Variants in SPAG17 observed in about 807,000 individuals in gnomAD.
The protein encoded by SPAG17 is sperm-associated antigen 17.
Under a neutral mutation model 273.6 loss-of-function variants are expected in SPAG17, and 169 were observed. That is an observed-to-expected ratio of 0.62 (90% CI 0.55 to 0.70). The LOEUF (loss-of-function observed/expected upper bound fraction) is 0.70, where lower values mean the gene tolerates loss of function less well. Ranked by LOEUF, SPAG17 falls within the 30% of genes least tolerant of loss-of-function variation. The pLI is 0.00. For missense variants in SPAG17, 2,557 were observed against 2,627.8 expected, an observed-to-expected ratio of 0.97 and a Z score of 0.59; for synonymous variants, 825 against 873.2, an observed-to-expected ratio of 0.94 and a Z score of 0.97.
Position 118,086,011 on chromosome 1 carries a change from C to A in SPAG17, c.1673G>T (p.Trp558Leu). 1 of 1,613,786 alleles carries A rather than the reference C, an allele frequency of 6.2e-7. No individual in the cohort carries two copies. Among genetic ancestry groups the A allele is most frequent in the Non-Finnish European group, 8.5e-7 (1 of 1,179,914 alleles). Residue 558 changes from tryptophan (W) to leucine (L), a missense_variant, in exon 13 of 49, where the codon TGG (tryptophan) becomes TTG (leucine). Coordinates refer to ENST00000336338, the MANE Select transcript of SPAG17 (RefSeq NM_206996.4). Reference protein sequence around the residue: ...EQEMQSKLPLWEFLQFPLPPP... With the variant: ...EQEMQSKLPLLEFLQFPLPPP... ...GGGTAGAGGGAATTGAAGAAATTCC[C>A]ACAGTGGCAACTTGGACTGCATCTC... is the stretch of plus-strand genomic sequence containing the variant.
intron 43 of SPAG17, among the ~76,000 whole-genome samples, chr1:117,977,193 T>C (rs186472841): frequency 0.036 from 5,461 of 149,714 alleles, 301 homozygotes; most frequent in African/African-American, 0.12. Context: ...TGATGGTGGG[T>C]GCCTGTAATC....
rs533500032 is a variant in SPAG17, at chr1:117,988,697, TCACGGTTATATGAGCTTGGGAAA to T, written c.5522-516_5522-494del. ...AAAAAGAGGAAAAGATTTTCATGTT[TCACGGTTATATGAGCTTGGGAAA>T]CACTGATTTATCCAAGGTTAAATAG... On this transcript the variant is annotated intron_variant, in intron 38 of 48. Transcript: ENST00000336338. 1.5e-4 allele frequency among the ~76,000 whole-genome samples: 23 copies of T among 152,316 alleles called. No homozygotes were observed. The South Asian group carries it at 2.1e-3, about 14-fold the overall frequency.
chr1:117,970,628 T>C (rs1654446057), intron 45 of SPAG17, among the ~76,000 whole-genome samples: 1 of 152,176 alleles, frequency 6.6e-6, no homozygotes, highest in African/African-American at 2.4e-5. Context: ...ATGGTGCTTA[T>C]TGATCTCTCT....
At chr1:118,000,854 CTA>C (rs1469095327) in intron 32 of SPAG17, among the ~76,000 whole-genome samples, 1 of 152,022 alleles carries the variant, frequency 6.6e-6, no homozygotes, top group Non-Finnish European at 1.5e-5. Context: ...ACTTCTGACA[CTA>C]TGTTGAATAG....
chr1:118,052,726 C>T (rs1651203501), intron 20 of SPAG17, among the ~76,000 whole-genome samples: 2 of 151,780 alleles, frequency 1.3e-5, no homozygotes, highest in African/African-American at 2.4e-5. Context: ...GCCAACATAA[C>T]CTTAATAACA....
intron 40 of SPAG17, among the ~76,000 whole-genome samples, chr1:117,987,444 G>A (rs1451002874): frequency 6.6e-6 from 1 of 152,178 alleles, no homozygotes; most frequent in Non-Finnish European, 1.5e-5. Flanking sequence ...AGCTGGAGTT[G>A]AAATCCCCAG....
chr1:118,084,765 T>C (rs1434729955), intron 13 of SPAG17, among the ~76,000 whole-genome samples: 1 of 152,228 alleles, frequency 6.6e-6, no homozygotes, highest in Non-Finnish European at 1.5e-5. Context: ...CTCAGTAATG[T>C]AAGGAAATTG....
Position 118,023,448 on chromosome 1 carries a change from C to T in SPAG17, c.3925G>A (p.Gly1309Ser), listed in dbSNP as rs1647351320. 2.5e-6 allele frequency: 4 copies of T among 1,605,744 alleles called. No homozygotes were observed. Among genetic ancestry groups the T allele is most frequent in the South Asian group, 2.2e-5 (2 of 89,540 alleles). ...DGSTQILFAD[G>S]AVSRSPNSGL... Reference sequence around the variant, plus strand: ...GAATTGGGACTCCTGCTCACAGCACCATCTGCAAAGAGAATCTGAAGAATG... The same window carrying T: ...GAATTGGGACTCCTGCTCACAGCACTATCTGCAAAGAGAATCTGAAGAATG... Residue 1309 changes from glycine (G) to serine (S), a missense_variant, in exon 28 of 49, where the codon GGT (glycine) becomes AGT (serine). Physicochemically the swap from Gly to Ser is moderately conservative, Grantham distance 56 (BLOSUM62 0). Coordinates refer to ENST00000336338, the MANE Select transcript of SPAG17 (RefSeq NM_206996.4).
At chr1:118,012,110 C>T in intron 30 of SPAG17, 118 bp downstream of exon 30, 1 of 992,104 alleles carries the variant, frequency 1.0e-6, no homozygotes, top group African/African-American at 1.6e-5. Context: ...CTTTAGTTGG[C>T]TAACTTTACC....
chr1:118,165,807 A>G (rs1660147095), intron 1 of SPAG17, among the ~76,000 whole-genome samples: 1 of 151,846 alleles, frequency 6.6e-6, no homozygotes, highest in African/African-American at 2.4e-5. Flanking sequence ...CACCATGCCC[A>G]GCTAATTTTG....
At chr1:118,168,160 T>C (rs965204527) in intron 1 of SPAG17, among the ~76,000 whole-genome samples, 3 of 152,134 alleles carry the variant, frequency 2.0e-5, no homozygotes, top group Non-Finnish European at 2.9e-5. Context: ...TATTGATGAA[T>C]TGAGGAATTG....
chr1:118,039,629 A>G (rs1236550960), intron 22 of SPAG17, among the ~76,000 whole-genome samples, 185 bp from the exon 23 acceptor site: 1 of 152,148 alleles, frequency 6.6e-6, no homozygotes, highest in African/African-American at 2.4e-5. Context: ...AGAACAATAG[A>G]CACCAGGGCT....
At chr1:118,058,862 A>G (rs149749995) in intron 18 of SPAG17, among the ~76,000 whole-genome samples, 50 of 152,334 alleles carry the variant, frequency 3.3e-4, no homozygotes, top group African/African-American at 1.2e-3. Flanking sequence ...TAAAGGGAAC[A>G]GAGGGACATT....
intron 45 of SPAG17, among the ~76,000 whole-genome samples, chr1:117,970,438 G>A (rs953405915): frequency 6.6e-6 from 1 of 152,208 alleles, no homozygotes; most frequent in African/African-American, 2.4e-5. Flanking sequence ...GTAGCTGCCA[G>A]CATGAACGCA....
At chr1:118,110,915 A>C (rs941882817) in intron 4 of SPAG17, among the ~76,000 whole-genome samples, 1 of 152,186 alleles carries the variant, frequency 6.6e-6, no homozygotes, top group Non-Finnish European at 1.5e-5. Flanking sequence ...TTTGAATCCC[A>C]GCTCTTCCAC....
Position 117,972,014 on chromosome 1 carries a change from A to T in SPAG17, c.6175T>A (p.Ser2059Thr). The change falls in exon 45 of 49, where the codon TCC (serine) becomes ACC (threonine). Residue 2059 changes from serine (S) to threonine (T), a missense_variant. Transcript: ENST00000336338. ...TTAATGGCAGCAGATGCAACAGAGG[A>T]TGTGTTCACTTTTCCTCCAACAGAA... ...QDSVGGKVNTSSVASAAINNA... is the reference protein window; with the variant it reads ...QDSVGGKVNTTSVASAAINNA... The T allele has an allele frequency of 6.2e-7, 1 of 1,613,852 alleles. No homozygotes were observed. The highest frequency in any genetic ancestry group is 8.5e-7 in the Non-Finnish European group (1 of 1,179,904).
intron 47 of SPAG17, chr1:117,966,335 G>T: frequency 3.6e-6 from 1 of 274,278 alleles, no homozygotes; most frequent in East Asian, 6.6e-5. Flanking sequence ...GATACTTGCT[G>T]TTTTATTATT....
intron 28 of SPAG17, among the ~76,000 whole-genome samples, chr1:118,016,733 G>A (rs982671441): frequency 1.3e-5 from 2 of 152,172 alleles, no homozygotes; most frequent in African/African-American, 4.8e-5. Context: ...AGAGGAGTTT[G>A]TGCAGTTTAA....
intron 1 of SPAG17, among the ~76,000 whole-genome samples, chr1:118,166,999 C>T (rs1660199047): frequency 6.6e-6 from 1 of 152,094 alleles, no homozygotes; most frequent in Non-Finnish European, 1.5e-5. Context: ...TCTGACAATG[C>T]TCACTTATGT....
Sources: allele counts gnomAD v4.1 joint callset (sites outside exome capture counted in the v4.1 genomes callset), GRCh38; gene constraint gnomAD v4.1.1; transcripts MANE v1.5; gene names NCBI Gene and HGNC (gene_info 2026-07-23, HGNC 2026-07-21).